Variants in NEK10 observed in about 807,000 individuals in gnomAD.
NEK10 encodes the protein NIMA related kinase 10.
A neutral mutation model predicts 159.8 loss-of-function variants in NEK10; 122 were observed. The ratio of observed to expected loss-of-function variants is 0.76; its 90% CI spans 0.66 to 0.89. The LOEUF is 0.89. Among genes scored for constraint, NEK10 ranks in the 40% least tolerant of loss-of-function variants. The probability of loss-of-function intolerance (pLI) is 0.00; values close to 1 mark genes in which losing one functional copy is unlikely to be tolerated. For synonymous variants in NEK10, 466 were observed against 457.1 expected (o/e 1.02, Z -0.25); for missense variants, 1,342 against 1,323.1 (o/e 1.01, Z -0.22).
At chr3:27,319,315 T>C (rs1280616942) in intron 6 of NEK10, among the ~76,000 whole-genome samples, 1 of 152,208 alleles carries the variant, frequency 6.6e-6, no homozygotes, top group Non-Finnish European at 1.5e-5. Context: ...TAAACAATTA[T>C]ATCTTCAAAA....
intron 23 of NEK10, among the ~76,000 whole-genome samples, chr3:27,233,530 T>C (rs1458852779): frequency 4.6e-5 from 7 of 152,098 alleles, no homozygotes; most frequent in Admixed American, 4.6e-4. Context: ...AACTACCATT[T>C]GATCTAGCAA....
intron 5 of NEK10, among the ~76,000 whole-genome samples, chr3:27,343,817 T>G (rs970417373): frequency 6.6e-6 from 1 of 152,200 alleles, no homozygotes; most frequent in Non-Finnish European, 1.5e-5. Flanking sequence ...AATGTTCGAT[T>G]TGGTCCTGAA....
At chr3:27,215,920 GA>G (rs1951479652) in intron 23 of NEK10, 2 of 660,510 alleles carry the variant, frequency 3.0e-6, no homozygotes, top group South Asian at 3.5e-5. Context: ...ACCATCATGA[GA>G]ACAGCACCAA....
chr3:27,189,275 A>G (rs1948903887), intron 26 of NEK10, among the ~76,000 whole-genome samples: 1 of 152,252 alleles, frequency 6.6e-6, no homozygotes, highest in Admixed American at 6.5e-5. Context: ...CACTATAAAA[A>G]TTGCCATAAT....
intron 5 of NEK10, among the ~76,000 whole-genome samples, chr3:27,327,358 G>A (rs138616184): frequency 3.2e-4 from 48 of 152,266 alleles, no homozygotes; most frequent in Admixed American, 4.6e-4. Flanking sequence ...ATTCATGAGC[G>A]GGCAAATATT....
intron 14 of NEK10, 107 bp from the exon 15 acceptor site, chr3:27,295,797 A>G: frequency 7.3e-7 from 1 of 1,364,938 alleles, no homozygotes; most frequent in East Asian, 2.7e-5. Context: ...AAGAAATATT[A>G]GTATAACTAT....
At chr3:27,344,477 C>T in intron 4 of NEK10, 107 bp from the exon 5 acceptor site, 1 of 613,608 alleles carries the variant, frequency 1.6e-6, no homozygotes, top group South Asian at 2.2e-5. Context: ...TTTATTATTA[C>T]TAACCACTAT....
intron 30 of NEK10, among the ~76,000 whole-genome samples, chr3:27,150,593 A>G (rs1036971450): frequency 6.6e-6 from 1 of 152,222 alleles, no homozygotes; most frequent in African/African-American, 2.4e-5. Flanking sequence ...AAAGATTCCT[A>G]TCAAAATATT....
At chr3:27,234,508 T>A (rs1953687199) in intron 23 of NEK10, among the ~76,000 whole-genome samples, 1 of 151,980 alleles carries the variant, frequency 6.6e-6, no homozygotes, top group Admixed American at 6.6e-5. Context: ...GAACTCCCAT[T>A]CACAACTGCC....
chr3:27,344,477 C>A, intron 4 of NEK10, 107 bp from the exon 5 acceptor site: 1 of 613,608 alleles, frequency 1.6e-6, no homozygotes. Flanking sequence ...TTTATTATTA[C>A]TAACCACTAT....
chr3:27,237,422 G>A (rs147740894), intron 23 of NEK10, among the ~76,000 whole-genome samples: 11,706 of 152,206 alleles, frequency 0.077, 574 homozygotes, highest in Middle Eastern at 0.18. Context: ...TATGTTCAGA[G>A]ATTGCAGTAA....
intron 26 of NEK10, among the ~76,000 whole-genome samples, chr3:27,191,307 A>AAAAG (rs1949094829): frequency 6.6e-6 from 1 of 152,224 alleles, no homozygotes; most frequent in African/African-American, 2.4e-5. Flanking sequence ...GAAAAAAAAA[A>AAAAG]AAAGGATGAA....
At chr3:27,158,826 C>T (rs1474202143) in intron 30 of NEK10, among the ~76,000 whole-genome samples, 3 of 152,118 alleles carry the variant, frequency 2.0e-5, no homozygotes, top group Non-Finnish European at 4.4e-5. Flanking sequence ...GAATCCATAA[C>T]ATTATAGTAT....
intron 30 of NEK10, among the ~76,000 whole-genome samples, chr3:27,151,709 G>A (rs1341362824): frequency 6.6e-6 from 1 of 152,170 alleles, no homozygotes; most frequent in Non-Finnish European, 1.5e-5. Context: ...TAGCTAATCA[G>A]GGAGGAACCA....
At chr3:27,330,778 C>G (rs923104555) in intron 5 of NEK10, among the ~76,000 whole-genome samples, 2 of 151,970 alleles carry the variant, frequency 1.3e-5, no homozygotes, top group Admixed American at 6.6e-5. Context: ...TCAGAGGTGA[C>G]AAAAAGAATA....
chr3:27,148,680 AT>A (rs1173932028), intron 30 of NEK10, among the ~76,000 whole-genome samples: 1 of 152,154 alleles, frequency 6.6e-6, no homozygotes, highest in Non-Finnish European at 1.5e-5. Context: ...TTCGCTGTTA[AT>A]TCAATTATTT....
chr3:27,327,980 G>T (rs2046131213), intron 5 of NEK10, among the ~76,000 whole-genome samples: 1 of 150,300 alleles, frequency 6.7e-6, no homozygotes, highest in Non-Finnish European at 1.5e-5. Context: ...CATCCTAAAT[G>T]ATTATTTAGG....
chr3:27,263,330 A>G (rs1294746701), intron 22 of NEK10, among the ~76,000 whole-genome samples: 1 of 151,770 alleles, frequency 6.6e-6, no homozygotes, highest in Admixed American at 6.6e-5. Flanking sequence ...GAGAACCACT[A>G]CTCTCTTCAA....
intron 1 of NEK10, among the ~76,000 whole-genome samples, chr3:27,356,758 C>A (rs1289565284): frequency 6.6e-6 from 1 of 152,140 alleles, no homozygotes; most frequent in Non-Finnish European, 1.5e-5. Flanking sequence ...CACCCCCACA[C>A]ACTCATACTT....
Sources: allele counts gnomAD v4.1 joint callset (sites outside exome capture counted in the v4.1 genomes callset), GRCh38; gene constraint gnomAD v4.1.1; transcripts MANE v1.5; gene names NCBI Gene and HGNC (gene_info 2026-07-23, HGNC 2026-07-21).